The following RNF150 variants were observed in gnomAD, a reference collection of about 807,000 sequenced individuals.
The protein encoded by RNF150 is ring finger protein 150.
In RNF150, 24 loss-of-function variants were observed where a neutral mutation model predicts 39.3. The ratio of observed to expected loss-of-function variants is 0.61; its 90% CI spans 0.44 to 0.86. The LOEUF (loss-of-function observed/expected upper bound fraction) is 0.86, where lower values mean the gene tolerates loss of function less well. Ranked by LOEUF, RNF150 falls within the 40% of genes least tolerant of loss-of-function variation. The pLI is 0.00. For synonymous variants in RNF150, 255 were observed against 227.3 expected (o/e 1.12, Z -1.10); for missense variants, 502 against 587.8 (o/e 0.85, Z 1.51).
At chr4:140,984,488 G>T (rs1733960532) in intron 1 of RNF150, among the ~76,000 whole-genome samples, 1 of 152,192 alleles carries the variant, frequency 6.6e-6, no homozygotes, top group East Asian at 1.9e-4. Flanking sequence ...TGGGAAGAAG[G>T]GTTCGGCAAC....
intron 1 of RNF150, among the ~76,000 whole-genome samples, chr4:141,011,536 A>G (rs1413731917): frequency 6.6e-6 from 1 of 152,254 alleles, no homozygotes; most frequent in African/African-American, 2.4e-5. Context: ...ACATGTCTAA[A>G]TAACTCAAAA....
intron 1 of RNF150, among the ~76,000 whole-genome samples, chr4:141,100,681 C>T (rs1507179): frequency 0.37 from 56,900 of 152,028 alleles, 12,885 homozygotes; most frequent in Non-Finnish European, 0.49. Context: ...TGTTGCATAA[C>T]AACAGAGACT....
At chr4:141,063,105 G>A (rs1450876471) in intron 1 of RNF150, among the ~76,000 whole-genome samples, 1 of 152,120 alleles carries the variant, frequency 6.6e-6, no homozygotes. Flanking sequence ...CTTTGTAGAC[G>A]ATTTTGTATT....
chr4:141,040,685 A>G (rs945448978), intron 1 of RNF150, among the ~76,000 whole-genome samples: 12 of 152,178 alleles, frequency 7.9e-5, no homozygotes, highest in Admixed American at 7.9e-4. Context: ...TCCTCTACAC[A>G]TAAGTGTTAA....
intron 1 of RNF150, among the ~76,000 whole-genome samples, chr4:141,034,672 T>C (rs912471349): frequency 2.0e-5 from 3 of 152,268 alleles, no homozygotes; most frequent in African/African-American, 7.2e-5. Context: ...GGTTATTAAT[T>C]GGCCTAATTT....
At chr4:140,952,981 C>G (rs1578998718) in intron 2 of RNF150, among the ~76,000 whole-genome samples, 1 of 152,152 alleles carries the variant, frequency 6.6e-6, no homozygotes. Context: ...GCCTATTGCT[C>G]CTAGGCTAGA....
chr4:141,070,632 T>C (rs1350172883), intron 1 of RNF150, among the ~76,000 whole-genome samples: 2 of 149,416 alleles, frequency 1.3e-5, no homozygotes, highest in African/African-American at 2.4e-5. Flanking sequence ...CATGAAAAAA[T>C]GCTCACCATC....
chr4:140,924,519 A>T (rs1468499997), intron 5 of RNF150, among the ~76,000 whole-genome samples: 3 of 152,004 alleles, frequency 2.0e-5, no homozygotes, highest in Non-Finnish European at 2.9e-5. Flanking sequence ...CAAAGGATGC[A>T]ACTGTCTCTG....
chr4:141,123,390 T>TA (rs1006567185), intron 1 of RNF150, among the ~76,000 whole-genome samples: 12 of 152,166 alleles, frequency 7.9e-5, no homozygotes, highest in African/African-American at 2.9e-4. Flanking sequence ...CAGAAGTAAT[T>TA]AGAGTTCTCT....
At chr4:141,183,388 A>G (rs1376089753) in intron 1 of RNF150, among the ~76,000 whole-genome samples, 1 of 152,178 alleles carries the variant, frequency 6.6e-6, no homozygotes, top group Non-Finnish European at 1.5e-5. Context: ...CTTGAATGAG[A>G]GAAAAACCTG....
intron 1 of RNF150, among the ~76,000 whole-genome samples, chr4:141,072,776 T>A (rs1737755447): frequency 6.6e-6 from 1 of 152,188 alleles, no homozygotes; most frequent in African/African-American, 2.4e-5. Context: ...TGCACCACTA[T>A]AATTTATTAA....
intron 1 of RNF150, among the ~76,000 whole-genome samples, chr4:141,015,654 A>G (rs1289685631): frequency 6.6e-6 from 1 of 151,996 alleles, no homozygotes. Flanking sequence ...TTTTTCATGG[A>G]GTCTTTAGGG....
At chr4:141,041,374 C>A (rs1336939308) in intron 1 of RNF150, among the ~76,000 whole-genome samples, 1 of 151,974 alleles carries the variant, frequency 6.6e-6, no homozygotes, top group African/African-American at 2.4e-5. Flanking sequence ...CAGAAGAGGA[C>A]AAAAGGGGAA....
chr4:141,033,298 G>T (rs1014238170), intron 1 of RNF150, among the ~76,000 whole-genome samples: 1 of 152,102 alleles, frequency 6.6e-6, no homozygotes, highest in African/African-American at 2.4e-5. Context: ...ACATTCAAAA[G>T]AAGCAACTCC....
At chr4:140,897,638 T>C (rs1405148616) in intron 6 of RNF150, among the ~76,000 whole-genome samples, 2 of 152,202 alleles carry the variant, frequency 1.3e-5, no homozygotes, top group Non-Finnish European at 2.9e-5. Context: ...TTCTTAGATA[T>C]AAAAGAGTGA....
chr4:140,894,762 C>G (rs367572869), intron 6 of RNF150, among the ~76,000 whole-genome samples: 2 of 152,090 alleles, frequency 1.3e-5, no homozygotes. Flanking sequence ...TATTTTTGTC[C>G]GGCCTGCAAA....
At chr4:140,949,993 T>C (rs1168604400) in intron 2 of RNF150, among the ~76,000 whole-genome samples, 1 of 152,226 alleles carries the variant, frequency 6.6e-6, no homozygotes, top group Non-Finnish European at 1.5e-5. Context: ...CCATGATCCA[T>C]GTCAAGAAAT....
chr4:140,936,887 G>A (rs1212363154), intron 4 of RNF150, among the ~76,000 whole-genome samples: 1 of 151,940 alleles, frequency 6.6e-6, no homozygotes, highest in Non-Finnish European at 1.5e-5. Context: ...CAAACATATG[G>A]GAATTTAAAT....
chr4:140,916,640 T>G (rs1317738656), intron 5 of RNF150, among the ~76,000 whole-genome samples: 1 of 152,206 alleles, frequency 6.6e-6, no homozygotes, highest in African/African-American at 2.4e-5. Flanking sequence ...CCAGGAGAAC[T>G]TCCCCAGTCT....
Sources: gnomAD v4.1 joint callset for allele counts (sites outside exome capture counted in the v4.1 genomes callset) on GRCh38, gnomAD v4.1.1 for gene constraint, MANE v1.5 for transcripts, NCBI Gene and HGNC (gene_info 2026-07-23, HGNC 2026-07-21) for gene names.